The following ITPK1 variants were observed in gnomAD, a reference collection of about 807,000 sequenced individuals.
The protein encoded by ITPK1 is inositol 1,3,4-trisphosphate 5/6-kinase.
ITPK1 carries 21 observed loss-of-function variants against 45.3 expected under a neutral mutation model. That is an observed-to-expected ratio of 0.46 (90% CI 0.33 to 0.67). ITPK1 has a LOEUF of 0.67. Among genes scored for constraint, ITPK1 ranks in the 30% least tolerant of loss-of-function variants. The pLI, the probability that ITPK1 is intolerant of heterozygous loss-of-function variation, is 0.02. For missense variants in ITPK1, 474 were observed against 573.5 expected (o/e 0.83, Z 1.77); for synonymous variants, 258 against 253.6 (o/e 1.02, Z -0.16).
At chr14:92,972,033 G>A (rs1322162809) in intron 5 of ITPK1, among the ~76,000 whole-genome samples, 1 of 152,114 alleles carries the variant, frequency 6.6e-6, no homozygotes, top group Non-Finnish European at 1.5e-5. Context: ...GTTAATCCAG[G>A]AAGCCCCTTG....
intron 5 of ITPK1, 46 bp from the exon 6 acceptor site, chr14:92,962,895 C>T (rs1160148724): frequency 7.2e-7 from 1 of 1,389,166 alleles, no homozygotes; most frequent in Non-Finnish European, 1.0e-6. Flanking sequence ...TGGGCAGCCG[C>T]CCCAGGTGCA....
At chr14:93,039,113 G>T (rs1393747972) in intron 3 of ITPK1, among the ~76,000 whole-genome samples, 1 of 152,118 alleles carries the variant, frequency 6.6e-6, no homozygotes, top group African/African-American at 2.4e-5. Context: ...CTCTCACGGG[G>T]GTGCTGCCAA....
At position 92,941,048 on chromosome 14, in the gene ITPK1, A is replaced by G; in HGVS notation, c.*513T>C. 13 of 1,228,210 alleles carry G rather than the reference A, an allele frequency of 1.1e-5. No homozygotes were observed. Among genetic ancestry groups the G allele is most frequent in the Non-Finnish European group, 1.4e-5 (13 of 960,108 alleles). 76.1% of individuals were successfully genotyped at this position (1,228,210 alleles called of 1,614,324 possible). A position where few individuals can be genotyped will look rare whatever the true frequency, so the allele number is the denominator to read the frequency against. ...ACACCAGGCAGGGTGGGGGCTAACA[A>G]AGCCTTGGTGGAGACCAGTAGGAGG... On this transcript the variant is annotated 3_prime_UTR_variant, in exon 11 of 11. Coordinates refer to ENST00000267615, the MANE Select transcript of ITPK1 (RefSeq NM_014216.6).
Position 92,941,121 on chromosome 14 carries a change from G to C in ITPK1, c.*440C>G. ...AGGGAGTGGGGAGTCAGGCAGAAGGGAAGCCACTCTCACATGCACCGATCA... is the reference window on the plus strand; with the variant it reads ...AGGGAGTGGGGAGTCAGGCAGAAGGCAAGCCACTCTCACATGCACCGATCA... On this transcript the variant is annotated 3_prime_UTR_variant, in exon 11 of 11. Transcript: ENST00000267615. 5 of 1,206,178 alleles carry C rather than the reference G, an allele frequency of 4.1e-6. No homozygotes were observed. The highest frequency in any genetic ancestry group is 5.2e-6 in the Non-Finnish European group (5 of 953,178). The allele number at this position is 1,206,178 out of a possible 1,614,324, so 74.7% of individuals were successfully genotyped here. A position where few individuals can be genotyped will look rare whatever the true frequency, so the allele number is the denominator to read the frequency against.
At chr14:93,091,238 C>T (rs1239928528) in intron 2 of ITPK1, among the ~76,000 whole-genome samples, 1 of 152,256 alleles carries the variant, frequency 6.6e-6, no homozygotes, top group Non-Finnish European at 1.5e-5. Context: ...GGTGTGATTA[C>T]AGCGTCAGCC....
At chr14:93,027,434 T>C (rs888182423) in intron 3 of ITPK1, among the ~76,000 whole-genome samples, 3 of 152,116 alleles carry the variant, frequency 2.0e-5, no homozygotes, top group East Asian at 1.9e-4. Context: ...CACTTAATCA[T>C]CTCAATGACC....
chr14:93,100,989 C>A (rs981946965), intron 2 of ITPK1, among the ~76,000 whole-genome samples: 12 of 152,188 alleles, frequency 7.9e-5, no homozygotes, highest in African/African-American at 2.7e-4. Flanking sequence ...CCCACTCACT[C>A]CCCCATCCTT....
At chr14:92,976,076 A>G (rs1267068886) in intron 5 of ITPK1, among the ~76,000 whole-genome samples, 1 of 152,210 alleles carries the variant, frequency 6.6e-6, no homozygotes, top group Non-Finnish European at 1.5e-5. Context: ...CTGGCCCTGC[A>G]AACTGTGAGT....
Position 92,941,109 on chromosome 14 carries a change from T to C in ITPK1, c.*452A>G. The C allele has an allele frequency of 8.3e-7, 1 of 1,199,496 alleles. No individual in the cohort carries two copies. The highest frequency in any genetic ancestry group is 1.1e-6 in the Non-Finnish European group (1 of 948,818). The allele number at this position is 1,199,496 out of a possible 1,614,324, so 74.3% of individuals were successfully genotyped here. ...AAGGGGCAGGTCAGGGAGTGGGGAG[T>C]CAGGCAGAAGGGAAGCCACTCTCAC... On this transcript the variant is annotated 3_prime_UTR_variant, in exon 11 of 11. Coordinates refer to ENST00000267615, the MANE Select transcript of ITPK1 (RefSeq NM_014216.6).
At chr14:92,979,655 C>T (rs1038106931) in intron 5 of ITPK1, among the ~76,000 whole-genome samples, 9 of 152,160 alleles carry the variant, frequency 5.9e-5, no homozygotes, top group East Asian at 3.8e-4. Flanking sequence ...CCTGCTGCCA[C>T]GTAAAGACAT....
chr14:93,019,803 A>G (rs1472216940), intron 3 of ITPK1, among the ~76,000 whole-genome samples: 1 of 152,182 alleles, frequency 6.6e-6, no homozygotes, highest in Admixed American at 6.5e-5. Flanking sequence ...GACACTGTGC[A>G]GGGGGATGCC....
chr14:93,002,883 GTTGT>G lies in ITPK1; in HGVS notation c.247-8890_247-8887del, dbSNP rs374344785. Among the ~76,000 whole-genome samples the G allele has an allele frequency of 1.8e-4, 28 of 152,292 alleles. No individual in the cohort carries two copies. The East Asian group carries it at 5.4e-3, about 29-fold the overall frequency. On this transcript the variant is annotated intron_variant, in intron 4 of 10. Transcript: ENST00000267615. ...TCCTCCCAACCCATGGTCCTCACTG[GTTGT>G]TTGTTCTCTCAAAGCCACAGCTGGA...
At chr14:93,090,892 G>A (rs1052148613) in intron 2 of ITPK1, among the ~76,000 whole-genome samples, 1 of 151,912 alleles carries the variant, frequency 6.6e-6, no homozygotes, top group African/African-American at 2.4e-5. Flanking sequence ...ACCAACCTGC[G>A]CCTCCAGTCT....
At position 93,098,416 on chromosome 14, in the gene ITPK1, T is replaced by C. The variant is rs1344555763; in HGVS notation, c.95+16653A>G. Among the ~76,000 whole-genome samples, 574 of 149,508 alleles carry C rather than the reference T, an allele frequency of 3.8e-3. 2 individuals carry two copies. The highest frequency in any genetic ancestry group is 7.1e-3 in the Non-Finnish European group (479 of 67,206). On this transcript the variant is annotated intron_variant, in intron 2 of 10. Transcript: ENST00000267615. ...AGCTTGTAGTGAGCCGAGATCACGC[T>C]GCCGCACTCCAACCTGGGCGACAGA...
intron 3 of ITPK1, among the ~76,000 whole-genome samples, chr14:93,042,231 A>T (rs1889589652): frequency 6.6e-6 from 1 of 152,246 alleles, no homozygotes; most frequent in Non-Finnish European, 1.5e-5. Flanking sequence ...CAAACTGGAA[A>T]CACGTTTTCT....
intron 2 of ITPK1, among the ~76,000 whole-genome samples, chr14:93,077,746 T>C (rs1447745429): frequency 1.3e-5 from 2 of 152,138 alleles, no homozygotes; most frequent in Non-Finnish European, 2.9e-5. Flanking sequence ...CGGCTCAGCA[T>C]AGCCTCTCCA....
In ITPK1 at chr14:92,943,151, G is replaced by A. The variant is rs188637409; in HGVS notation, c.902-1247C>T. Among the ~76,000 whole-genome samples the A allele has an allele frequency of 2.6e-5, 4 of 152,386 alleles. No individual in the cohort carries two copies. In the East Asian group the frequency reaches 7.7e-4, roughly 29 times the overall value. ...CGCCTCCCGAGCTGGCACTGTGCGAGCGTCCCGCAACATCCTCTCGCCTAA... is the reference window on the plus strand; with the variant it reads ...CGCCTCCCGAGCTGGCACTGTGCGAACGTCCCGCAACATCCTCTCGCCTAA... On this transcript the variant is annotated intron_variant, in intron 10 of 10. Coordinates refer to ENST00000267615, the MANE Select transcript of ITPK1 (RefSeq NM_014216.6).
intron 5 of ITPK1, among the ~76,000 whole-genome samples, chr14:92,991,017 G>C (rs1469248174): frequency 6.6e-6 from 1 of 151,006 alleles, no homozygotes; most frequent in African/African-American, 2.5e-5. Context: ...GGCAGGGGGG[G>C]TGACAACCGG....
At chr14:92,984,645 C>T (rs770797709) in intron 5 of ITPK1, among the ~76,000 whole-genome samples, 1 of 152,208 alleles carries the variant, frequency 6.6e-6, no homozygotes, top group Non-Finnish European at 1.5e-5. Flanking sequence ...TCCAACATAT[C>T]TGACACTTTT....
Sources: allele counts gnomAD v4.1 joint callset (sites outside exome capture counted in the v4.1 genomes callset), GRCh38; gene constraint gnomAD v4.1.1; transcripts MANE v1.5; gene names NCBI Gene and HGNC (gene_info 2026-07-23, HGNC 2026-07-21).